Variants in TSGA10 observed in about 807,000 individuals in gnomAD.
TSGA10 encodes the protein testis-specific gene 10 protein.
In TSGA10, 43 loss-of-function variants were observed where a neutral mutation model predicts 96.6. That is an observed-to-expected ratio of 0.44 (90% CI 0.35 to 0.57). The LOEUF is 0.57. TSGA10 is among the 20% of genes least tolerant of loss of function. TSGA10 has a pLI of 0.01. For missense variants in TSGA10, 703 were observed against 834.4 expected (o/e 0.84, Z 1.94); for synonymous variants, 229 against 269.9 (o/e 0.85, Z 1.48).
chr2:99,133,894 G>T (rs557775708), intron 1 of TSGA10, among the ~76,000 whole-genome samples: 2 of 152,324 alleles, frequency 1.3e-5, no homozygotes, highest in Admixed American at 1.3e-4. Context: ...TTTTCTTTAA[G>T]AATGTTGAAT....
At chr2:99,002,205 T>G (rs913843804) in intron 20 of TSGA10, among the ~76,000 whole-genome samples, 3 of 152,002 alleles carry the variant, frequency 2.0e-5, no homozygotes, top group African/African-American at 7.3e-5. Context: ...GAAGTTGAAA[T>G]GAAGGGAAAA....
chr2:99,007,752 T>C (rs1411341095), intron 20 of TSGA10, among the ~76,000 whole-genome samples: 2 of 152,044 alleles, frequency 1.3e-5, no homozygotes, highest in Non-Finnish European at 2.9e-5. Context: ...AAAGTGGAGG[T>C]ATTTACACCA....
At chr2:98,999,308 A>T (rs1458637611) in intron 20 of TSGA10, among the ~76,000 whole-genome samples, 1 of 152,224 alleles carries the variant, frequency 6.6e-6, no homozygotes, top group Non-Finnish European at 1.5e-5. Context: ...ACCTGGATAA[A>T]TCTGAAATAT....
chr2:99,124,711 A>C (rs1211876937), intron 2 of TSGA10: 1 of 152,032 alleles, frequency 6.6e-6, no homozygotes, highest in Non-Finnish European at 1.5e-5. Context: ...CGGCCTCCTA[A>C]GTAGCTGGGA....
intron 2 of TSGA10, among the ~76,000 whole-genome samples, chr2:99,123,807 A>G (rs2092696185): frequency 6.6e-6 from 1 of 152,248 alleles, no homozygotes. Context: ...AGCATGTATC[A>G]GAATGTCATT....
chr2:99,104,250 ACTGCTG>A, intron 9 of TSGA10, 132 bp from the exon 10 acceptor site: 2 of 987,594 alleles, frequency 2.0e-6, no homozygotes, highest in Non-Finnish European at 2.9e-6. Flanking sequence ...GTTAGACCTG[ACTGCTG>A]TAGAAGGTTT....
At chr2:99,080,882 C>T (rs990091555) in intron 11 of TSGA10, among the ~76,000 whole-genome samples, 23 of 152,216 alleles carry the variant, frequency 1.5e-4, no homozygotes, top group Admixed American at 5.9e-4. Context: ...AACACTATCC[C>T]CTTGGTGATA....
At chr2:99,004,572 C>T (rs942086492) in intron 20 of TSGA10, among the ~76,000 whole-genome samples, 6 of 152,112 alleles carry the variant, frequency 3.9e-5, no homozygotes, top group Non-Finnish European at 5.9e-5. Context: ...AACACATACA[C>T]GCTCTCAAGA....
At chr2:99,115,134 T>C (rs1318344395) in intron 4 of TSGA10, among the ~76,000 whole-genome samples, 3 of 152,116 alleles carry the variant, frequency 2.0e-5, no homozygotes, top group Non-Finnish European at 4.4e-5. Flanking sequence ...GGTTTCATCA[T>C]GTTCACCAGG....
chr2:99,150,709 G>A (rs981534089), intron 1 of TSGA10: 5 of 1,613,866 alleles, frequency 3.1e-6, no homozygotes, highest in East Asian at 2.2e-5. Flanking sequence ...AAGATTAGAA[G>A]ACACAAATCA....
chr2:99,023,365 T>G (rs974573221), intron 17 of TSGA10, among the ~76,000 whole-genome samples: 7 of 152,330 alleles, frequency 4.6e-5, no homozygotes, highest in African/African-American at 1.7e-4. Flanking sequence ...TGCATCGTCT[T>G]GCCACTTTCT....
At chr2:99,149,752 T>C (rs11685756) in intron 1 of TSGA10, among the ~76,000 whole-genome samples, 90,161 of 145,818 alleles carry the variant, frequency 0.62, 28,422 homozygotes, top group East Asian at 0.88. Context: ...GATCATCTCT[T>C]TTTACAGACT....
At chr2:99,074,743 G>A (rs901058662) in intron 12 of TSGA10, among the ~76,000 whole-genome samples, 6 of 151,982 alleles carry the variant, frequency 3.9e-5, no homozygotes, top group African/African-American at 1.2e-4. Flanking sequence ...GGCGGAACAC[G>A]AGGTCAGGAG....
At chr2:99,147,670 A>G (rs973317791) in intron 1 of TSGA10, among the ~76,000 whole-genome samples, 1 of 152,144 alleles carries the variant, frequency 6.6e-6, no homozygotes, top group Non-Finnish European at 1.5e-5. Context: ...TCAATTTTGT[A>G]TTTTGAAAAA....
chr2:99,076,696 A>G (rs1177083203), intron 12 of TSGA10, among the ~76,000 whole-genome samples: 9 of 151,880 alleles, frequency 5.9e-5, no homozygotes, highest in African/African-American at 9.7e-5. Flanking sequence ...TCTCTCTACA[A>G]CCTGTTCTCT....
intron 16 of TSGA10, among the ~76,000 whole-genome samples, chr2:99,059,617 C>T (rs573372545): frequency 5.9e-5 from 9 of 151,802 alleles, no homozygotes; most frequent in Admixed American, 2.0e-4. Context: ...CCAGCCTGGG[C>T]GACAGAGCAA....
intron 2 of TSGA10, among the ~76,000 whole-genome samples, chr2:99,121,610 T>G (rs1366906756): frequency 1.7e-5 from 2 of 119,894 alleles, no homozygotes; most frequent in African/African-American, 5.6e-5. Flanking sequence ...TAGCTGGGAC[T>G]ACAGGCATGC....
At chr2:99,100,604 AG>A in intron 10 of TSGA10, among the ~76,000 whole-genome samples, 1 of 152,164 alleles carries the variant, frequency 6.6e-6, no homozygotes, top group East Asian at 1.9e-4. Context: ...GCAGATCACG[AG>A]GTCAGGAGAT....
chr2:99,058,166 T>C (rs1173069578), intron 16 of TSGA10, among the ~76,000 whole-genome samples: 3 of 152,204 alleles, frequency 2.0e-5, no homozygotes, highest in Admixed American at 6.5e-5. Context: ...CAGTGATTCT[T>C]TTCAAAGTGA....
Sources: gnomAD v4.1 joint callset for allele counts (sites outside exome capture counted in the v4.1 genomes callset) on GRCh38, gnomAD v4.1.1 for gene constraint, MANE v1.5 for transcripts, NCBI Gene and HGNC (gene_info 2026-07-23, HGNC 2026-07-21) for gene names.